The following TSNARE1 variants were observed in gnomAD, a reference collection of about 807,000 sequenced individuals.
TSNARE1 encodes t-SNARE domain-containing protein 1.
Under a neutral mutation model 62.0 loss-of-function variants are expected in TSNARE1, and 49 were observed. That is an observed-to-expected ratio of 0.79 (90% CI 0.63 to 1.00). The LOEUF is 1.00. TSNARE1 is among the 50% of genes least tolerant of loss of function. The pLI is 0.00. For synonymous variants in TSNARE1, 328 were observed against 294.4 expected, an observed-to-expected ratio of 1.11 and a Z score of -1.17; for missense variants, 755 against 700.1, an observed-to-expected ratio of 1.08 and a Z score of -0.88.
Position 142,246,748 on chromosome 8 carries a change from G to A in TSNARE1, c.1447-17169C>T, listed in dbSNP as rs72687331. Reference sequence around the variant, plus strand: ...AGACACGGGAGAACCGTTCAAGGCCGCAGAGGCTGGCCTGAGCCCAAACGC... The same window carrying A: ...AGACACGGGAGAACCGTTCAAGGCCACAGAGGCTGGCCTGAGCCCAAACGC... On this transcript the variant is annotated intron_variant, in intron 12 of 13. Transcript: ENST00000524325. Among the ~76,000 whole-genome samples the A allele has an allele frequency of 6.8e-4, 104 of 152,284 alleles. No individual in the cohort carries two copies. In the South Asian group the frequency reaches 0.012, roughly 18 times the overall value.
chr8:142,322,929 T>C (rs1829690224), intron 6 of TSNARE1, among the ~76,000 whole-genome samples: 1 of 151,588 alleles, frequency 6.6e-6, no homozygotes, highest in Non-Finnish European at 1.5e-5. Context: ...GATATTGTTA[T>C]GAAAGGCCGG....
intron 1 of TSNARE1, among the ~76,000 whole-genome samples, chr8:142,401,726 A>C (rs1033672363): frequency 7.2e-5 from 11 of 152,258 alleles, no homozygotes; most frequent in African/African-American, 2.6e-4. Flanking sequence ...TGACCCAGCC[A>C]AAACTCAACC....
intron 12 of TSNARE1, chr8:142,272,750 C>A: frequency 1.0e-6 from 1 of 969,482 alleles, no homozygotes; most frequent in African/African-American, 1.9e-5. Flanking sequence ...CAGGTAGGAG[C>A]AGGACATTCT....
intron 12 of TSNARE1, among the ~76,000 whole-genome samples, chr8:142,242,199 C>G (rs35860836): frequency 2.7e-5 from 1 of 37,342 alleles, no homozygotes; most frequent in Non-Finnish European, 4.3e-5. Flanking sequence ...GATGGAAGAC[C>G]GACATGTGAG....
At chr8:142,284,372 C>A (rs760367532) in intron 11 of TSNARE1, 41 bp downstream of exon 11, 1 of 1,564,820 alleles carries the variant, frequency 6.4e-7, no homozygotes, top group East Asian at 2.2e-5. Flanking sequence ...CAGGCAGGCC[C>A]TCGGGGCAGC....
chr8:142,360,935 G>T (rs2130866170), intron 1 of TSNARE1, among the ~76,000 whole-genome samples: 1 of 152,294 alleles, frequency 6.6e-6, no homozygotes, highest in South Asian at 2.1e-4. Context: ...CTGAGGCAGG[G>T]GGCCAGGCCC....
chr8:142,218,443 C>T (rs924759506), intron 13 of TSNARE1, among the ~76,000 whole-genome samples: 4 of 152,326 alleles, frequency 2.6e-5, no homozygotes, highest in Middle Eastern at 3.4e-3. Flanking sequence ...GAGCACAGAC[C>T]ACTCAGAGCC....
rs955617064 is a variant in TSNARE1, at chr8:142,270,149, C to T, written c.1446+4632G>A. On this transcript the variant is annotated intron_variant, in intron 12 of 13. Coordinates refer to ENST00000524325, the MANE Select transcript of TSNARE1 (RefSeq NM_145003.5). ...ACCTCCCGCTCCTGCTCGCTCCCGA[C>T]GGCTGCCTAGGCTGGGGGGCTGCAG... 196 of 985,444 alleles carry T rather than the reference C, an allele frequency of 2.0e-4. 1 individual carries two copies. The highest frequency in any genetic ancestry group is 2.3e-4 in the South Asian group (5 of 21,288). 61.0% of individuals were successfully genotyped at this position (985,444 alleles called of 1,614,324 possible).
chr8:142,241,326 A>G (rs1817660044), intron 12 of TSNARE1, among the ~76,000 whole-genome samples: 1 of 152,230 alleles, frequency 6.6e-6, no homozygotes, highest in Non-Finnish European at 1.5e-5. Context: ...GATATATACA[A>G]TGAAAATTAC....
At chr8:142,401,488 C>T (rs973780374) in intron 1 of TSNARE1, among the ~76,000 whole-genome samples, 5 of 152,150 alleles carry the variant, frequency 3.3e-5, no homozygotes, top group African/African-American at 1.2e-4. Context: ...GGAGCCAAAC[C>T]CAGGACCTCG....
intron 10 of TSNARE1, among the ~76,000 whole-genome samples, chr8:142,296,662 G>A (rs1410020613): frequency 2.6e-5 from 4 of 152,190 alleles, no homozygotes; most frequent in Admixed American, 2.0e-4. Flanking sequence ...GGCGGACAGG[G>A]GGCTAGGGCA....
chr8:142,303,058 T>C (rs1826033464), intron 9 of TSNARE1, among the ~76,000 whole-genome samples: 1 of 152,148 alleles, frequency 6.6e-6, no homozygotes, highest in Admixed American at 6.5e-5. Flanking sequence ...GGACATGGGC[T>C]GCAGGGCAGC....
At chr8:142,276,199 C>G (rs979286739) in intron 11 of TSNARE1, 1 of 985,340 alleles carries the variant, frequency 1.0e-6, no homozygotes, top group African/African-American at 1.7e-5. Context: ...GCCCAGAGAG[C>G]GGGTATGGGT....
chr8:142,241,784 G>A (rs940003688), intron 12 of TSNARE1, among the ~76,000 whole-genome samples: 4 of 151,598 alleles, frequency 2.6e-5, no homozygotes, highest in Admixed American at 6.6e-5. Context: ...ATGGTGCTGG[G>A]AAAACCGGGT....
At chr8:142,296,129 GAGGAA>G in intron 10 of TSNARE1, among the ~76,000 whole-genome samples, 1 of 38,878 alleles carries the variant, frequency 2.6e-5, no homozygotes, top group Non-Finnish European at 5.8e-5. Flanking sequence ...CACTGTGGAA[GAGGAA>G]GGTGGTCACT....
chr8:142,269,620 T>A (rs1819348342), intron 12 of TSNARE1: 1 of 985,278 alleles, frequency 1.0e-6, no homozygotes, highest in African/African-American at 1.7e-5. Context: ...TGAGCCACTG[T>A]GCCCAGGCCA....
At chr8:142,228,964 G>A (rs972015044) in intron 13 of TSNARE1, among the ~76,000 whole-genome samples, 1 of 152,086 alleles carries the variant, frequency 6.6e-6, no homozygotes, top group African/African-American at 2.4e-5. Flanking sequence ...ATAGATGGGT[G>A]ATGAATGGAA....
intron 11 of TSNARE1, chr8:142,280,274 C>T: frequency 1.0e-6 from 1 of 985,370 alleles, no homozygotes; most frequent in Non-Finnish European, 1.2e-6. Flanking sequence ...GCTGCCGCGG[C>T]CGGCTCGGGG....
chr8:142,336,799 C>T (rs1018933311), intron 4 of TSNARE1, among the ~76,000 whole-genome samples: 1 of 152,136 alleles, frequency 6.6e-6, no homozygotes, highest in Non-Finnish European at 1.5e-5. Flanking sequence ...TAGTTATAAT[C>T]GCTGAAATCA....
Sources: gnomAD v4.1 joint callset for allele counts (sites outside exome capture counted in the v4.1 genomes callset) on GRCh38, gnomAD v4.1.1 for gene constraint, MANE v1.5 for transcripts, NCBI Gene and HGNC (gene_info 2026-07-23, HGNC 2026-07-21) for gene names.